The following TFDP2 variants were observed in gnomAD, a reference collection of about 807,000 sequenced individuals.
TFDP2 encodes the protein transcription factor Dp-2, also known as transcription factor Dp-2 (E2F dimerization partner 2).
In TFDP2, 17 loss-of-function variants were observed where a neutral mutation model predicts 59.3. That is an observed-to-expected ratio of 0.29 (90% CI 0.20 to 0.43). TFDP2 has a LOEUF of 0.43. TFDP2 is among the 20% of genes least tolerant of loss of function. The pLI, the probability that TFDP2 is intolerant of heterozygous loss-of-function variation, is 1.00. For missense variants in TFDP2, 391 were observed against 528.8 expected (o/e 0.74, Z 2.56); for synonymous variants, 180 against 194.7 (o/e 0.92, Z 0.63).
chr3:142,024,871 T>C (rs901987342), intron 3 of TFDP2, among the ~76,000 whole-genome samples: 1 of 151,898 alleles, frequency 6.6e-6, no homozygotes, highest in Non-Finnish European at 1.5e-5. Context: ...AATACAAAAA[T>C]TAGCCGGGTT....
intron 3 of TFDP2, among the ~76,000 whole-genome samples, chr3:142,075,934 G>A (rs372788052): frequency 4.3e-4 from 59 of 136,492 alleles, no homozygotes; most frequent in Non-Finnish European, 7.2e-4. Context: ...AGGCTTTCCC[G>A]GCATGGTGGC....
intron 3 of TFDP2, among the ~76,000 whole-genome samples, chr3:142,030,956 A>G (rs1946402962): frequency 6.6e-6 from 1 of 151,116 alleles, no homozygotes; most frequent in Non-Finnish European, 1.5e-5. Flanking sequence ...TTTAGCCGGG[A>G]TGGTCTCGAT....
At position 141,969,033 on chromosome 3, in the gene TFDP2, C is replaced by CAT. The variant is rs201426545; in HGVS notation, c.732+1038_732+1039dup. 6.3e-3 allele frequency among the ~76,000 whole-genome samples: 416 copies of CAT among 65,864 alleles called. 45 individuals carry two copies. The highest frequency in any genetic ancestry group is 0.027 in the East Asian group (68 of 2,504). The allele number at this position is 65,864 out of a possible 152,430, so 43.2% of individuals were successfully genotyped here. A position where few individuals can be genotyped will look rare whatever the true frequency, so the allele number is the denominator to read the frequency against. The stretch of plus-strand genomic sequence containing the variant: ...ATAGATATATATATAACATATATCT[C>CAT]ATATATAGATATATATATAACATAT... On this transcript the variant is annotated intron_variant, in intron 9 of 12. Coordinates refer to ENST00000489671, the MANE Select transcript of TFDP2 (RefSeq NM_001178139.2).
At chr3:141,956,326 T>G (rs1936636365) in intron 11 of TFDP2, among the ~76,000 whole-genome samples, 1 of 152,070 alleles carries the variant, frequency 6.6e-6, no homozygotes, top group Non-Finnish European at 1.5e-5. Flanking sequence ...CCGAAGCGGG[T>G]GGATCACCTG....
intron 6 of TFDP2, among the ~76,000 whole-genome samples, chr3:141,992,870 A>C (rs1942918552): frequency 6.6e-6 from 1 of 152,202 alleles, no homozygotes; most frequent in African/African-American, 2.4e-5. Flanking sequence ...AAAATGTAGG[A>C]GTTTCTGACA....
At chr3:142,027,495 TCTCCCTCTCCCA>T (rs902091058) in intron 3 of TFDP2, among the ~76,000 whole-genome samples, 4 of 151,946 alleles carry the variant, frequency 2.6e-5, no homozygotes, top group African/African-American at 9.7e-5. Context: ...TCCCTCTCCC[TCTCCCTCTCCCA>T]CTCCCGCTCC....
chr3:142,045,404 C>A (rs1239948736), intron 3 of TFDP2, among the ~76,000 whole-genome samples: 1 of 152,118 alleles, frequency 6.6e-6, no homozygotes, highest in African/African-American at 2.4e-5. Context: ...AGGTGATCCG[C>A]CCACCTTGGC....
chr3:142,093,221 T>C (rs1049693393), intron 2 of TFDP2, 94 bp from the exon 3 acceptor site: 11 of 713,510 alleles, frequency 1.5e-5, no homozygotes, highest in African/African-American at 3.6e-5. Context: ...GACATCCATA[T>C]CAAATATATA....
intron 3 of TFDP2, among the ~76,000 whole-genome samples, chr3:142,079,626 G>T (rs1405352821): frequency 6.6e-6 from 1 of 151,982 alleles, no homozygotes; most frequent in Non-Finnish European, 1.5e-5. Context: ...GATAAAGAAA[G>T]AATCCAAAAA....
chr3:141,993,614 C>T (rs756800747), intron 5 of TFDP2, 29 bp from the exon 6 acceptor site: 10 of 1,310,156 alleles, frequency 7.6e-6, no homozygotes, highest in Middle Eastern at 2.2e-4. Context: ...AGCATAAAAA[C>T]AATACATACT....
intron 12 of TFDP2, 28 bp downstream of exon 12, chr3:141,952,883 C>A: frequency 1.2e-6 from 2 of 1,602,426 alleles, no homozygotes; most frequent in Non-Finnish European, 8.6e-7. Context: ...CTGGGGTTTG[C>A]CTTTCTAACC....
chr3:142,097,980 A>T (rs957379287), intron 2 of TFDP2, among the ~76,000 whole-genome samples: 3 of 152,042 alleles, frequency 2.0e-5, no homozygotes, highest in Non-Finnish European at 4.4e-5. Context: ...TTTAGTAGAG[A>T]TGGGGTTTTA....
Position 142,149,501 on chromosome 3 carries a change from C to T in TFDP2, c.-411G>A. 2.9e-6 allele frequency: 1 copy of T among 347,772 alleles called. No homozygotes were observed. Among genetic ancestry groups the T allele is most frequent in the South Asian group, 1.5e-4 (1 of 6,592 alleles). 21.5% of individuals were successfully genotyped at this position (347,772 alleles called of 1,614,324 possible). A position where few individuals can be genotyped will look rare whatever the true frequency, so the allele number is the denominator to read the frequency against. On this transcript the variant is annotated 5_prime_UTR_variant, in exon 1 of 13. Coordinates refer to ENST00000489671, the MANE Select transcript of TFDP2 (RefSeq NM_001178139.2). ...CCCTCTCCCTGCCCAGCTACAGCCCCGCTTCCCCCGCGCGAGCTTTGGCGG... is the reference window on the plus strand; with the variant it reads ...CCCTCTCCCTGCCCAGCTACAGCCCTGCTTCCCCCGCGCGAGCTTTGGCGG...
chr3:141,966,319 C>A (rs1443891086), intron 9 of TFDP2, among the ~76,000 whole-genome samples: 3 of 151,732 alleles, frequency 2.0e-5, no homozygotes, highest in African/African-American at 7.3e-5. Flanking sequence ...ACTACAGGCA[C>A]CCGCCACCAT....
chr3:142,071,438 G>A (rs896889963), intron 3 of TFDP2, among the ~76,000 whole-genome samples: 10 of 152,176 alleles, frequency 6.6e-5, no homozygotes, highest in Non-Finnish European at 1.0e-4. Flanking sequence ...GAATACACGC[G>A]TGAGCCACCG....
At chr3:141,973,124 T>TATATATATATATATATATATATA (rs1553761667) in intron 8 of TFDP2, among the ~76,000 whole-genome samples, 4 of 55,344 alleles carry the variant, frequency 7.2e-5, no homozygotes, top group African/African-American at 1.4e-4. Context: ...TATATATATA[T>TATATATATATATATATATATATA]TTTTTTTTTT....
intron 3 of TFDP2, among the ~76,000 whole-genome samples, chr3:142,071,195 C>T (rs1385201886): frequency 2.6e-5 from 4 of 151,222 alleles, no homozygotes; most frequent in African/African-American, 9.7e-5. Flanking sequence ...CTTGCTCTGT[C>T]ACCCAGGCTG....
intron 3 of TFDP2, among the ~76,000 whole-genome samples, chr3:142,036,971 T>C (rs1946720636): frequency 6.6e-6 from 1 of 152,198 alleles, no homozygotes; most frequent in Admixed American, 6.5e-5. Context: ...CAGCGTCCAA[T>C]GGTAGTCTGA....
At chr3:142,145,133 A>G (rs2063121349) in intron 1 of TFDP2, among the ~76,000 whole-genome samples, 1 of 152,228 alleles carries the variant, frequency 6.6e-6, no homozygotes, top group African/African-American at 2.4e-5. Context: ...CATTTAATAA[A>G]TTTATCAATG....
Sources: allele counts gnomAD v4.1 joint callset (sites outside exome capture counted in the v4.1 genomes callset), GRCh38; gene constraint gnomAD v4.1.1; transcripts MANE v1.5; gene names NCBI Gene and HGNC (gene_info 2026-07-23, HGNC 2026-07-21).